The following SCAMP3 variants were observed in gnomAD, a reference collection of about 807,000 sequenced individuals.
The protein encoded by SCAMP3 is secretory carrier-associated membrane protein 3.
A neutral mutation model predicts 44.1 loss-of-function variants in SCAMP3; 30 were observed. The ratio of observed to expected loss-of-function variants is 0.68; its 90% CI spans 0.51 to 0.92. SCAMP3 has a LOEUF of 0.92. Among genes scored for constraint, SCAMP3 ranks in the 40% least tolerant of loss-of-function variants. SCAMP3 has a pLI of 0.00. For synonymous variants in SCAMP3, 168 were observed against 171.1 expected, an observed-to-expected ratio of 0.98 and a Z score of 0.14; for missense variants, 394 against 440.0, an observed-to-expected ratio of 0.90 and a Z score of 0.93.
chr1:155,261,766 C>A lies in SCAMP3; in HGVS notation c.67-32G>T, dbSNP rs779296753. ...GCAGAGACCCGGGTCTCAGCTGGCA[C>A]CCAGTGCCACCTAGGGGAATTCCCA... On this transcript the variant is annotated intron_variant, in intron 1 of 8. Transcript: ENST00000302631. The A allele has an allele frequency of 5.6e-6, 9 of 1,599,280 alleles. No homozygotes were observed. The South Asian group carries it at 8.8e-5, about 16-fold the overall frequency.
intron 7 of SCAMP3, 92 bp downstream of exon 7, chr1:155,257,193 C>A (rs1186089974): frequency 2.4e-6 from 2 of 843,834 alleles, no homozygotes; most frequent in Non-Finnish European, 3.9e-6. Flanking sequence ...GGATTAAAAC[C>A]ACATTTCCTT....
intron 5 of SCAMP3, among the ~76,000 whole-genome samples, chr1:155,258,571 G>A (rs1010051229): frequency 2.0e-5 from 3 of 151,166 alleles, no homozygotes; most frequent in Non-Finnish European, 4.4e-5. Flanking sequence ...TCTGACCTCA[G>A]GTTATCCACC....
chr1:155,259,582 C>T (rs1324725684), intron 4 of SCAMP3, among the ~76,000 whole-genome samples: 1 of 152,078 alleles, frequency 6.6e-6, no homozygotes, highest in African/African-American at 2.4e-5. Context: ...CCAGGTTGGT[C>T]TCTAACTCCT....
chr1:155,257,461 C>T (rs913262512), intron 6 of SCAMP3, 37 bp downstream of exon 6: 2 of 1,611,768 alleles, frequency 1.2e-6, no homozygotes, highest in Non-Finnish European at 1.7e-6. Context: ...GGGCCCATCC[C>T]AGGTCTCCAT....
At chr1:155,258,131 T>C (rs1038396325) in intron 5 of SCAMP3, among the ~76,000 whole-genome samples, 2 of 151,344 alleles carry the variant, frequency 1.3e-5, no homozygotes, top group African/African-American at 4.9e-5. Flanking sequence ...CCCATTCTCC[T>C]ACCTCAGCCT....
Position 155,260,589 on chromosome 1 carries a change from G to A in SCAMP3, c.215C>T (p.Ser72Leu), listed in dbSNP as rs200784811. The A allele has an allele frequency of 1.9e-5, 31 of 1,614,186 alleles. No homozygotes were observed. The highest frequency in any genetic ancestry group is 9.3e-5 in the African/African-American group (7 of 75,050). Residue 72 changes from serine to leucine, a missense_variant, in exon 3 of 9, where the codon TCG becomes TTG. Physicochemically the swap from Ser to Leu is moderately radical, Grantham distance 145. Coordinates refer to ENST00000302631, the MANE Select transcript of SCAMP3 (RefSeq NM_005698.4). ...PPPSAPSLQPSRKLSPTEPKN... is the reference protein window; with the variant it reads ...PPPSAPSLQPLRKLSPTEPKN... Reference sequence around the variant, plus strand: ...AGGTTCTGTGGGGCTGAGCTTTCTCGAGGGCTGCAAGGAGGGAGCTGAGGG... The same window carrying A: ...AGGTTCTGTGGGGCTGAGCTTTCTCAAGGGCTGCAAGGAGGGAGCTGAGGG...
At position 155,256,070 on chromosome 1, in the gene SCAMP3, G is replaced by A; in HGVS notation, c.*203C>T. The stretch of plus-strand genomic sequence containing the variant: ...GAAGCTGGGTTGGGGCGTGTGAGAG[G>A]TGGCAGCAGTGTGGCCTGATGGGGG... On this transcript the variant is annotated 3_prime_UTR_variant, in exon 9 of 9. Coordinates refer to ENST00000302631, the MANE Select transcript of SCAMP3 (RefSeq NM_005698.4). The A allele has an allele frequency of 2.3e-6, 1 of 437,926 alleles. No individual in the cohort carries two copies. The highest frequency in any genetic ancestry group is 4.1e-6 in the Non-Finnish European group (1 of 246,014). 27.1% of individuals were successfully genotyped at this position (437,926 alleles called of 1,614,324 possible). A position where few individuals can be genotyped will look rare whatever the true frequency, so the allele number is the denominator to read the frequency against.
rs375274930 is a variant in SCAMP3, at chr1:155,262,302, G to A, written c.-151C>T. The stretch of plus-strand genomic sequence containing the variant: ...GTTCCACCGACCGGAAGGGCCACAA[G>A]GATCCCCGCAGCAGCCGTGGGTTGC... On this transcript the variant is annotated 5_prime_UTR_variant, in exon 1 of 9. Transcript: ENST00000302631. 4 of 689,626 alleles carry A rather than the reference G, an allele frequency of 5.8e-6. No individual in the cohort carries two copies. Among genetic ancestry groups the A allele is most frequent in the Non-Finnish European group, 2.4e-6 (1 of 419,866 alleles). The allele number at this position is 689,626 out of a possible 1,614,324, so 42.7% of individuals were successfully genotyped here.
chr1:155,260,712 T>C, intron 2 of SCAMP3, 53 bp from the exon 3 acceptor site: 1 of 1,495,266 alleles, frequency 6.7e-7, no homozygotes. Flanking sequence ...CACAGGAATC[T>C]AGAGTCTGCT....
chr1:155,260,723 T>G, intron 2 of SCAMP3, 64 bp from the exon 3 acceptor site: 1 of 1,428,848 alleles, frequency 7.0e-7, no homozygotes, highest in Non-Finnish European at 9.5e-7. Context: ...AGAGTCTGCT[T>G]GAATACCTTT....
intron 5 of SCAMP3, among the ~76,000 whole-genome samples, chr1:155,258,317 C>T (rs1192849577): frequency 8.3e-6 from 1 of 120,500 alleles, no homozygotes; most frequent in Non-Finnish European, 1.7e-5. Flanking sequence ...CCGTGCCCGG[C>T]CTTTTTTTTT....
At chr1:155,257,850 CA>C (rs756862670) in intron 5 of SCAMP3, among the ~76,000 whole-genome samples, 193 bp from the exon 6 acceptor site, 12 of 127,746 alleles carry the variant, frequency 9.4e-5, no homozygotes, top group Non-Finnish European at 1.6e-4. Flanking sequence ...CTTGCAAAGA[CA>C]TTTTTTTTTT....
At position 155,258,943 on chromosome 1, in the gene SCAMP3, T is replaced by C; in HGVS notation, c.400A>G (p.Asn134Asp). ...ALGGTATRQN[N>D]WPPLPSFCPV... ...CAAAAAGAAGGTAGAGGGGGCCAAT[T>C]GTTCTGTCGAGCTGTAAGGCACAAA... Residue 134 changes from asparagine (N) to aspartate (D), a missense_variant, in exon 5 of 9, where the codon AAT (asparagine) becomes GAT (aspartate). Transcript: ENST00000302631. 1 of 1,611,842 alleles carries C rather than the reference T, an allele frequency of 6.2e-7. No homozygotes were observed. Among genetic ancestry groups the C allele is most frequent in the Admixed American group, 1.7e-5 (1 of 59,746 alleles).
chr1:155,262,010 T>C, intron 1 of SCAMP3, 76 bp downstream of exon 1: 1 of 1,423,982 alleles, frequency 7.0e-7, no homozygotes, highest in Non-Finnish European at 9.8e-7. Flanking sequence ...CAAATGGGGA[T>C]ACAAGTTAGC....
chr1:155,261,834 T>C, intron 1 of SCAMP3, 100 bp from the exon 2 acceptor site: 1 of 1,119,368 alleles, frequency 8.9e-7, no homozygotes, highest in Non-Finnish European at 1.3e-6. Context: ...TACTGCACCT[T>C]CGGGGCCACG....
At chr1:155,261,850 G>T in intron 1 of SCAMP3, 116 bp from the exon 2 acceptor site, 1 of 1,002,268 alleles carries the variant, frequency 1.0e-6, no homozygotes, top group Non-Finnish European at 1.5e-6. Flanking sequence ...CCACGCCGTT[G>T]TCCCAGGACT....
chr1:155,258,476 A>G (rs139682989), intron 5 of SCAMP3, among the ~76,000 whole-genome samples: 1,819 of 151,802 alleles, frequency 0.012, 102 homozygotes, highest in Admixed American at 0.089. Context: ...AGCTAGGATT[A>G]CAGGCATGTG....
chr1:155,256,423 C>A lies in SCAMP3; in HGVS notation c.898-4G>T. The A allele has an allele frequency of 6.4e-7, 1 of 1,574,138 alleles. No homozygotes were observed. Among genetic ancestry groups the A allele is most frequent in the Non-Finnish European group, 8.6e-7 (1 of 1,156,748 alleles). The stretch of plus-strand genomic sequence containing the variant: ...TGCGGCGGTATAAGGAGTGGATCTG[C>A]AAGTAGAGGACAAAGACATTACCGC... On this transcript the variant is annotated splice_region_variant and splice_polypyrimidine_tract_variant and intron_variant, in intron 8 of 8. Coordinates refer to ENST00000302631, the MANE Select transcript of SCAMP3 (RefSeq NM_005698.4).
In SCAMP3 at chr1:155,256,279, G is replaced by T. The variant is rs771714139; in HGVS notation, c.1038C>A (p.Ala346=). Residue 346 remains alanine, a synonymous_variant, in exon 9 of 9, where the codon GCC becomes GCA. Coordinates refer to ENST00000302631, the MANE Select transcript of SCAMP3 (RefSeq NM_005698.4). The part of the protein sequence containing the change: ...AAGAAENAFR[A]P Reference sequence around the variant, plus strand: ...AGGGCATCCCAGTCAGGGGTCACGGGGCCCGGAAGGCATTTTCAGCAGCCC... The same window carrying T: ...AGGGCATCCCAGTCAGGGGTCACGGTGCCCGGAAGGCATTTTCAGCAGCCC... 6.4e-7 allele frequency: 1 copy of T among 1,571,298 alleles called. No individual in the cohort carries two copies. Among genetic ancestry groups the T allele is most frequent in the Non-Finnish European group, 8.7e-7 (1 of 1,154,482 alleles).
Sources: gnomAD v4.1 joint callset for allele counts (sites outside exome capture counted in the v4.1 genomes callset) on GRCh38, gnomAD v4.1.1 for gene constraint, MANE v1.5 for transcripts, NCBI Gene and HGNC (gene_info 2026-07-23, HGNC 2026-07-21) for gene names.